AAMP: variants seen among roughly 807,000 people sequenced by gnomAD.
AAMP encodes the protein angio-associated migratory cell protein.
A neutral mutation model predicts 51.1 loss-of-function variants in AAMP; 12 were observed. That is an observed-to-expected ratio of 0.23 (90% CI 0.15 to 0.38). The LOEUF is 0.38. Among genes scored for constraint, AAMP ranks in the 10% least tolerant of loss-of-function variants. AAMP has a pLI of 1.00. For missense variants in AAMP, 418 were observed against 557.2 expected, an observed-to-expected ratio of 0.75 and a Z score of 2.52; for synonymous variants, 210 against 218.7, an observed-to-expected ratio of 0.96 and a Z score of 0.35.
In AAMP at chr2:218,270,003, G is replaced by C. The variant is rs34118048; in HGVS notation, c.84C>G (p.Ile28Met). Reference protein sequence around the residue: ...TLSFHGDEEIIEVVELDPGPP... With the variant: ...TLSFHGDEEIMEVVELDPGPP... ...GACCGGGATCAAGTTCTACCACCTCGATAATCTCTTCATCACCATGGAAGC... is the reference window on the plus strand; with the variant it reads ...GACCGGGATCAAGTTCTACCACCTCCATAATCTCTTCATCACCATGGAAGC... The change falls in exon 1 of 11, where the codon ATC becomes ATG. Residue 28 changes from isoleucine (I) to methionine (M), a missense_variant. By Grantham distance (10) the Ile-to-Met change is conservative (BLOSUM62 1). Transcript: ENST00000248450. 2 of 1,614,104 alleles carry C rather than the reference G, an allele frequency of 1.2e-6. No homozygotes were observed. Among genetic ancestry groups the C allele is most frequent in the Non-Finnish European group, 8.5e-7 (1 of 1,180,014 alleles).
rs773199979 is a variant in AAMP at position 218,264,538 on chromosome 2, G to A, written c.1300C>T (p.Arg434Cys). The A allele has an allele frequency of 1.1e-5, 18 of 1,613,998 alleles. No homozygotes were observed. The highest frequency in any genetic ancestry group is 1.3e-5 in the Non-Finnish European group (15 of 1,179,900). Residue 434 changes from arginine (R) to cysteine (C), a missense_variant, in exon 11 of 11, where the codon CGT (arginine) becomes TGT (cysteine). Physicochemically the swap from Arg to Cys is radical, Grantham distance 180 (BLOSUM62 -3). Transcript: ENST00000248450. ...ACAGGCAGGGGCTGCAGCCATTAACGGTCAGGCCTTTGGACACAAAATACT... is the reference window on the plus strand; with the variant it reads ...ACAGGCAGGGGCTGCAGCCATTAACAGTCAGGCCTTTGGACACAAAATACT... ...AKVFCVQRPD[R>C]
intron 2 of AAMP, among the ~76,000 whole-genome samples, chr2:218,268,093 T>A (rs1228833468): frequency 1.3e-5 from 2 of 150,012 alleles, no homozygotes; most frequent in Non-Finnish European, 3.0e-5. Context: ...CTCAGCCCCC[T>A]GAGTAGCTGG....
rs201525271 is a variant in AAMP, at chr2:218,265,719, C to A, written c.880-37G>T. 3.8e-4 allele frequency: 605 copies of A among 1,600,362 alleles called. 1 individual carries two copies. Among genetic ancestry groups the A allele is most frequent in the Admixed American group, 4.8e-4 (29 of 60,014 alleles). ...AGAGGATCAGAGGAGGACACGGAAT[C>A]CGGGTGCTTGATGGAGAGAAAGACG... On this transcript the variant is annotated intron_variant, in intron 7 of 10. Transcript: ENST00000248450. This position sits in a 1 kb window ranked among gnomAD's most constrained non-coding sequence, Gnocchi z 6.6.
intron 10 of AAMP, 60 bp downstream of exon 10, chr2:218,264,960 T>G (rs201713237): frequency 1.3e-5 from 21 of 1,607,756 alleles, no homozygotes; most frequent in Non-Finnish European, 1.8e-5. Context: ...CTGTGTCCCC[T>G]ACATACTACT....
rs145888617 is a variant in AAMP, at chr2:218,270,044, G to C, written c.43C>G (p.Pro15Ala). 16 of 1,614,102 alleles carry C rather than the reference G, an allele frequency of 9.9e-6. No homozygotes were observed. Among genetic ancestry groups the C allele is most frequent in the African/African-American group, 5.3e-5 (4 of 75,038 alleles). Residue 15 changes from proline to alanine, a missense_variant, in exon 1 of 11, where the codon CCA becomes GCA. Physicochemically the swap from Pro to Ala is conservative, Grantham distance 27. Transcript: ENST00000248450. Reference protein sequence around the residue: ...SESGAAADTPPLETLSFHGDE... With the variant: ...SESGAAADTPALETLSFHGDE... Reference sequence around the variant, plus strand: ...CCATGGAAGCTTAGGGTCTCCAGTGGGGGGGTGTCAGCAGCAGCCCCGCTT... The same window carrying C: ...CCATGGAAGCTTAGGGTCTCCAGTGCGGGGGTGTCAGCAGCAGCCCCGCTT...
rs1332130201 is a variant in AAMP, at chr2:218,267,094, G to C, written c.395-108C>G. 7.5e-7 allele frequency: 1 copy of C among 1,341,400 alleles called. No homozygotes were observed. The highest frequency in any genetic ancestry group is 1.0e-6 in the Non-Finnish European group (1 of 966,368). The allele number at this position is 1,341,400 out of a possible 1,614,324, so 83.1% of individuals were successfully genotyped here. On this transcript the variant is annotated intron_variant, in intron 3 of 10. Coordinates refer to ENST00000248450, the MANE Select transcript of AAMP (RefSeq NM_001087.5). The surrounding 1 kb of genome is among the most constrained non-coding windows in gnomAD (Gnocchi z 4.6). Reference sequence around the variant, plus strand: ...CTGAAAGGACCAGCTAGGAAAAAAAGAGGGGCGGGACTGAGCAGAACAGGT... The same window carrying C: ...CTGAAAGGACCAGCTAGGAAAAAAACAGGGGCGGGACTGAGCAGAACAGGT...
chr2:218,266,743 G>C lies in AAMP; in HGVS notation c.534+104C>G, dbSNP rs1690639289. 1.3e-6 allele frequency: 2 copies of C among 1,570,426 alleles called. No individual in the cohort carries two copies. Among genetic ancestry groups the C allele is most frequent in the South Asian group, 1.2e-5 (1 of 86,058 alleles). ...TCTTCCTGTGCCTTGGGGCGCATTGGCTCAGAGCTGGCTTGGCGCAATAAA... is the reference window on the plus strand; with the variant it reads ...TCTTCCTGTGCCTTGGGGCGCATTGCCTCAGAGCTGGCTTGGCGCAATAAA... On this transcript the variant is annotated intron_variant, in intron 4 of 10. Transcript: ENST00000248450. The surrounding 1 kb of genome is among the most constrained non-coding windows in gnomAD (Gnocchi z 4.7).
At position 218,264,174 on chromosome 2, in the gene AAMP, ATC is replaced by A; in HGVS notation, c.*357_*358del. On this transcript the variant is annotated 3_prime_UTR_variant, in exon 11 of 11. Coordinates refer to ENST00000248450, the MANE Select transcript of AAMP (RefSeq NM_001087.5). ...TACATTTTTAAAATCTTTAACTAGT[ATC>A]TCTTCCTCCTTTCCACCCCCAGAGA... 1 of 353,810 alleles carries A rather than the reference ATC, an allele frequency of 2.8e-6. No individual in the cohort carries two copies. The highest frequency in any genetic ancestry group is 5.2e-6 in the Non-Finnish European group (1 of 192,718). The allele number at this position is 353,810 out of a possible 1,614,324, so 21.9% of individuals were successfully genotyped here.
Position 218,266,269 on chromosome 2 carries a change from G to T in AAMP, c.680-122C>A, listed in dbSNP as rs1462993543. ...CCAGACACTGCCCCAGGAATCACAG[G>T]TGAGTTCAGAGCAGGAAGGAGGCGC... is the stretch of plus-strand genomic sequence containing the variant. On this transcript the variant is annotated intron_variant, in intron 5 of 10. Coordinates refer to ENST00000248450, the MANE Select transcript of AAMP (RefSeq NM_001087.5). The surrounding 1 kb of genome is among the most constrained non-coding windows in gnomAD (Gnocchi z 4.7). 2 of 1,299,020 alleles carry T rather than the reference G, an allele frequency of 1.5e-6. No homozygotes were observed. The highest frequency in any genetic ancestry group is 1.5e-5 in the African/African-American group (1 of 68,484). 80.5% of individuals were successfully genotyped at this position (1,299,020 alleles called of 1,614,324 possible). A position where few individuals can be genotyped will look rare whatever the true frequency, so the allele number is the denominator to read the frequency against.
In AAMP at chr2:218,267,053, T is replaced by G; in HGVS notation, c.395-67A>C. 6.3e-7 allele frequency: 1 copy of G among 1,581,490 alleles called. No homozygotes were observed. The highest frequency in any genetic ancestry group is 8.7e-7 in the Non-Finnish European group (1 of 1,155,740). ...GTACCTGGTGCTGGGGGCATGTGAT[T>G]CTGGTATCTGGCCCACTGAAAGGAC... On this transcript the variant is annotated intron_variant, in intron 3 of 10. Transcript: ENST00000248450. This position sits in a 1 kb window ranked among gnomAD's most constrained non-coding sequence, Gnocchi z 4.6.
rs1690740786 is a variant in AAMP at position 218,269,719 on chromosome 2, C to A, written c.122-185G>T. ...AGGCCACGGCTGGCCAGAGACCGTG[C>A]GGTAAGGGAGGGCCAAGGGGATGAT... On this transcript the variant is annotated intron_variant, in intron 1 of 10. Coordinates refer to ENST00000248450, the MANE Select transcript of AAMP (RefSeq NM_001087.5). 4 of 1,124,468 alleles carry A rather than the reference C, an allele frequency of 3.6e-6. No individual in the cohort carries two copies. In the African/African-American group the frequency reaches 4.7e-5, roughly 13 times the overall value. 69.7% of individuals were successfully genotyped at this position (1,124,468 alleles called of 1,614,324 possible).
chr2:218,268,864 A>G (rs1042425255), intron 2 of AAMP, among the ~76,000 whole-genome samples: 4 of 150,442 alleles, frequency 2.7e-5, no homozygotes, highest in African/African-American at 9.8e-5. Context: ...ACGCCCAGCT[A>G]ATTTTTGTAT....
chr2:218,266,292 CGCTGTGAACTTTGGG>C lies in AAMP; in HGVS notation c.679+136_680-146del. 7.6e-7 allele frequency: 1 copy of C among 1,319,154 alleles called. No individual in the cohort carries two copies. Among genetic ancestry groups the C allele is most frequent in the Non-Finnish European group, 1.1e-6 (1 of 944,306 alleles). 81.7% of individuals were successfully genotyped at this position (1,319,154 alleles called of 1,614,324 possible). On this transcript the variant is annotated intron_variant, in intron 5 of 10. Transcript: ENST00000248450. This position sits in a 1 kb window ranked among gnomAD's most constrained non-coding sequence, Gnocchi z 4.7. ...AGGTGAGTTCAGAGCAGGAAGGAGG[CGCTGTGAACTTTGGG>C]GCCCAGGAGGTCAGCACTGCAAACA...
In AAMP at chr2:218,266,407, C is replaced by T; in HGVS notation, c.679+36G>A. Reference sequence around the variant, plus strand: ...TGTATATCCCGGGATTCGGCCTCTGCACCCAGGAAAGGTCACTCAAGGGAG... The same window carrying T: ...TGTATATCCCGGGATTCGGCCTCTGTACCCAGGAAAGGTCACTCAAGGGAG... On this transcript the variant is annotated intron_variant, in intron 5 of 10. Transcript: ENST00000248450. This position sits in a 1 kb window ranked among gnomAD's most constrained non-coding sequence, Gnocchi z 4.7. The T allele has an allele frequency of 1.2e-6, 2 of 1,604,108 alleles. No homozygotes were observed. The highest frequency in any genetic ancestry group is 2.2e-5 in the South Asian group (2 of 90,650).
intron 10 of AAMP, 114 bp from the exon 11 acceptor site, chr2:218,264,722 A>T: frequency 1.1e-6 from 1 of 950,456 alleles, no homozygotes; most frequent in Non-Finnish European, 1.7e-6. Flanking sequence ...AGTGCCTAGC[A>T]CTGGGCCGAC....
chr2:218,266,309 C>T lies in AAMP; in HGVS notation c.679+134G>A. 1 of 1,390,066 alleles carries T rather than the reference C, an allele frequency of 7.2e-7. No homozygotes were observed. Among genetic ancestry groups the T allele is most frequent in the Non-Finnish European group, 9.9e-7 (1 of 1,008,538 alleles). The allele number at this position is 1,390,066 out of a possible 1,614,324, so 86.1% of individuals were successfully genotyped here. On this transcript the variant is annotated intron_variant, in intron 5 of 10. Coordinates refer to ENST00000248450, the MANE Select transcript of AAMP (RefSeq NM_001087.5). This position sits in a 1 kb window ranked among gnomAD's most constrained non-coding sequence, Gnocchi z 4.7. ...GAAGGAGGCGCTGTGAACTTTGGGG[C>T]CCAGGAGGTCAGCACTGCAAACAGC...
rs906883705 is a variant in AAMP at position 218,269,947 on chromosome 2, G to A, written c.121+19C>T. On this transcript the variant is annotated intron_variant, in intron 1 of 10. Transcript: ENST00000248450. ...GTGAGCGTCTCCTGTCCCATGGCCT[G>A]AGGAGCGGCAGTTCTCACCTGGGTC... is the stretch of plus-strand genomic sequence containing the variant. 2.3e-5 allele frequency: 37 copies of A among 1,613,956 alleles called. No individual in the cohort carries two copies. Among genetic ancestry groups the A allele is most frequent in the Non-Finnish European group, 3.0e-5 (35 of 1,179,974 alleles).
chr2:218,264,508 G>GAC lies in AAMP; in HGVS notation c.*23_*24dup. 6.2e-7 allele frequency: 1 copy of GAC among 1,610,872 alleles called. No individual in the cohort carries two copies. Among genetic ancestry groups the GAC allele is most frequent in the Non-Finnish European group, 8.5e-7 (1 of 1,177,044 alleles). ...GGGTCCCTTCGTCCCCTCAACACCA[G>GAC]ACACACAGGCAGGGGCTGCAGCCAT... is the stretch of plus-strand genomic sequence containing the variant. On this transcript the variant is annotated 3_prime_UTR_variant, in exon 11 of 11. Transcript: ENST00000248450.
chr2:218,266,195 C>T lies in AAMP; in HGVS notation c.680-48G>A. 6.5e-7 allele frequency: 1 copy of T among 1,550,118 alleles called. No homozygotes were observed. Among genetic ancestry groups the T allele is most frequent in the South Asian group, 1.1e-5 (1 of 89,578 alleles). ...AGAGGGCAGAGGGCACGCTCACATA[C>T]ACTAAGCAAGGGAATGGGGAGAGGG... On this transcript the variant is annotated intron_variant, in intron 5 of 10. Transcript: ENST00000248450. This position sits in a 1 kb window ranked among gnomAD's most constrained non-coding sequence, Gnocchi z 4.7.
Sources: gnomAD v4.1 joint callset for allele counts (sites outside exome capture counted in the v4.1 genomes callset) on GRCh38, gnomAD v4.1.1 for gene constraint, Gnocchi (gnomAD v3.1) non-coding constraint, MANE v1.5 for transcripts, NCBI Gene and HGNC (gene_info 2026-07-23, HGNC 2026-07-21) for gene names.